Variants in ATP10D observed in about 807,000 individuals in gnomAD.
ATP10D encodes phospholipid-transporting ATPase VD.
ATP10D carries 89 observed loss-of-function variants against 144.8 expected under a neutral mutation model. That is an observed-to-expected ratio of 0.61 (90% CI 0.52 to 0.73). The LOEUF is 0.73. Among genes scored for constraint, ATP10D ranks in the 30% least tolerant of loss-of-function variants. The pLI is 0.00. For missense variants in ATP10D, 1,603 were observed against 1,714.8 expected (o/e 0.93, Z 1.15); for synonymous variants, 571 against 615.1 (o/e 0.93, Z 1.06).
At chr4:47,539,365 G>C (rs1220142691) in intron 9 of ATP10D, among the ~76,000 whole-genome samples, 1 of 152,018 alleles carries the variant, frequency 6.6e-6, no homozygotes, top group Non-Finnish European at 1.5e-5. Context: ...TAATCATATT[G>C]AATATGATGA....
chr4:47,558,390 T>A, intron 12 of ATP10D, 117 bp downstream of exon 12: 1 of 1,377,668 alleles, frequency 7.3e-7, no homozygotes, highest in Non-Finnish European at 9.8e-7. Flanking sequence ...TCACATTTGG[T>A]GAAGTAGGGG....
intron 1 of ATP10D, among the ~76,000 whole-genome samples, chr4:47,504,890 TATGATAGA>T (rs1715938120): frequency 1.3e-5 from 2 of 152,244 alleles, no homozygotes; most frequent in East Asian, 3.8e-4. Flanking sequence ...TTTTATTGAC[TATGATAGA>T]GAACTCTTGT....
chr4:47,500,293 A>G (rs895783805), intron 1 of ATP10D, among the ~76,000 whole-genome samples: 4 of 152,240 alleles, frequency 2.6e-5, no homozygotes, highest in African/African-American at 7.2e-5. Flanking sequence ...GGTTTTATGA[A>G]AAGTAAAGCA....
chr4:47,528,932 C>T (rs988994222), intron 5 of ATP10D, among the ~76,000 whole-genome samples: 1 of 151,916 alleles, frequency 6.6e-6, no homozygotes, highest in South Asian at 2.1e-4. Context: ...TTTTCTTATG[C>T]TTGTTGGCCT....
intron 1 of ATP10D, among the ~76,000 whole-genome samples, chr4:47,500,197 C>G (rs556969365): frequency 1.0e-3 from 158 of 152,290 alleles, no homozygotes; most frequent in African/African-American, 3.6e-3. Flanking sequence ...ACCAAAAAGA[C>G]AGAAATTTCT....
intron 18 of ATP10D, among the ~76,000 whole-genome samples, chr4:47,574,255 G>A (rs1451773636): frequency 2.6e-5 from 4 of 152,188 alleles, no homozygotes; most frequent in Admixed American, 6.5e-5. Context: ...ATACACTCTC[G>A]AAGAGAGGGA....
intron 15 of ATP10D, among the ~76,000 whole-genome samples, chr4:47,563,982 C>T (rs1452915450): frequency 1.3e-5 from 2 of 152,176 alleles, no homozygotes; most frequent in Non-Finnish European, 2.9e-5. Flanking sequence ...GCAACCTCCA[C>T]CTCCCAGATT....
intron 16 of ATP10D, among the ~76,000 whole-genome samples, chr4:47,570,734 C>T (rs758552505): frequency 3.3e-5 from 5 of 150,848 alleles, no homozygotes; most frequent in African/African-American, 1.2e-4. Flanking sequence ...ACCCGGGAAG[C>T]GGAGGTTGCA....
intron 2 of ATP10D, 92 bp from the exon 3 acceptor site, chr4:47,515,384 G>C: frequency 1.0e-6 from 1 of 996,344 alleles, no homozygotes; most frequent in Non-Finnish European, 1.5e-6. Context: ...TCTACTAATA[G>C]AAACTTACAG....
In ATP10D at chr4:47,591,510, GA is replaced by G; in HGVS notation, c.*130del. 2 of 709,528 alleles carry G rather than the reference GA, an allele frequency of 2.8e-6. No homozygotes were observed. The highest frequency in any genetic ancestry group is 4.6e-6 in the Non-Finnish European group (2 of 436,212). The allele number at this position is 709,528 out of a possible 1,614,324, so 44.0% of individuals were successfully genotyped here. ...GCATTTTACTAGGCTTGGAAGAGCT[GA>G]CATGATGAGCATTATTGTATGTTTG... is the stretch of plus-strand genomic sequence containing the variant. On this transcript the variant is annotated 3_prime_UTR_variant, in exon 23 of 23. Transcript: ENST00000273859.
intron 9 of ATP10D, 54 bp downstream of exon 9, chr4:47,536,992 C>A: frequency 1.9e-6 from 3 of 1,539,330 alleles, no homozygotes; most frequent in Non-Finnish European, 1.7e-6. Context: ...TTTTTTGAAA[C>A]CACTTAAGTG....
chr4:47,519,778 A>G (rs2109406886), intron 3 of ATP10D, among the ~76,000 whole-genome samples: 1 of 152,298 alleles, frequency 6.6e-6, no homozygotes, highest in East Asian at 1.9e-4. Flanking sequence ...AGTAGCCTGT[A>G]GACAGCTCCC....
chr4:47,548,069 C>G (rs909491656), intron 10 of ATP10D, among the ~76,000 whole-genome samples: 1 of 151,894 alleles, frequency 6.6e-6, no homozygotes, highest in Non-Finnish European at 1.5e-5. Context: ...TTTTATCTAT[C>G]CTTGTATTGA....
At chr4:47,584,481 C>T (rs1473526839) in intron 21 of ATP10D, among the ~76,000 whole-genome samples, 4 of 152,192 alleles carry the variant, frequency 2.6e-5, no homozygotes, top group Admixed American at 6.5e-5. Context: ...CAAGCTCCGC[C>T]TCCCAGGTTC....
chr4:47,496,889 T>G (rs1230928415), intron 1 of ATP10D, among the ~76,000 whole-genome samples: 1 of 152,146 alleles, frequency 6.6e-6, no homozygotes, highest in Non-Finnish European at 1.5e-5. Context: ...CTGCCCAGGC[T>G]GGAGTGCAGT....
chr4:47,513,749 A>G (rs948639057), intron 2 of ATP10D, among the ~76,000 whole-genome samples: 30 of 152,234 alleles, frequency 2.0e-4, no homozygotes, highest in Admixed American at 2.0e-3. Context: ...AGGTCTTGCT[A>G]TCAGGATAAA....
chr4:47,554,288 C>G (rs1245596122), intron 10 of ATP10D, among the ~76,000 whole-genome samples: 2 of 152,058 alleles, frequency 1.3e-5, no homozygotes, highest in African/African-American at 4.8e-5. Flanking sequence ...GTAACTTGAA[C>G]CATAAAATAC....
At chr4:47,580,876 A>G (rs1353782762) in intron 20 of ATP10D, among the ~76,000 whole-genome samples, 2 of 152,122 alleles carry the variant, frequency 1.3e-5, no homozygotes, top group Admixed American at 1.3e-4. Flanking sequence ...AGCTTGCACA[A>G]CATAGTGAGG....
At chr4:47,552,545 C>T (rs935341046) in intron 10 of ATP10D, among the ~76,000 whole-genome samples, 6 of 152,210 alleles carry the variant, frequency 3.9e-5, no homozygotes, top group Non-Finnish European at 5.9e-5. Flanking sequence ...TCACTGCCCT[C>T]TTAACCTAAT....
Sources: gnomAD v4.1 joint callset for allele counts (sites outside exome capture counted in the v4.1 genomes callset) on GRCh38, gnomAD v4.1.1 for gene constraint, MANE v1.5 for transcripts, NCBI Gene and HGNC (gene_info 2026-07-23, HGNC 2026-07-21) for gene names.